Variants in MACROD2 observed in about 807,000 individuals in gnomAD.
MACROD2 encodes ADP-ribose glycohydrolase MACROD2.
In MACROD2, 36 loss-of-function variants were observed where a neutral mutation model predicts 70.4. The ratio of observed to expected loss-of-function variants is 0.51; its 90% CI spans 0.39 to 0.68. The LOEUF (loss-of-function observed/expected upper bound fraction) is 0.68, where lower values mean the gene tolerates loss of function less well. Ranked by LOEUF, MACROD2 falls within the 30% of genes least tolerant of loss-of-function variation. The probability of loss-of-function intolerance (pLI) is 0.00; values close to 1 mark genes in which losing one functional copy is unlikely to be tolerated. For missense variants in MACROD2, 496 were observed against 538.4 expected (o/e 0.92, Z 0.78); for synonymous variants, 172 against 178.8 (o/e 0.96, Z 0.30).
At chr20:15,648,972 A>G (rs894780551) in intron 8 of MACROD2, among the ~76,000 whole-genome samples, 25 of 152,218 alleles carry the variant, frequency 1.6e-4, no homozygotes, top group Admixed American at 1.6e-3. Context: ...TGGATAGTCC[A>G]GAAGTAGAAC....
At chr20:15,080,147 T>TA (rs979758963) in intron 5 of MACROD2, among the ~76,000 whole-genome samples, 75 of 148,420 alleles carry the variant, frequency 5.1e-4, no homozygotes, top group Admixed American at 1.0e-3. Flanking sequence ...AATAAATAAA[T>TA]AAATAAATAA....
chr20:15,416,961 A>C (rs1353673396), intron 6 of MACROD2, among the ~76,000 whole-genome samples: 1 of 152,108 alleles, frequency 6.6e-6, no homozygotes. Context: ...TTATGTAATG[A>C]TTTCAAGTTC....
At chr20:14,114,007 T>G (rs551988707) in intron 3 of MACROD2, among the ~76,000 whole-genome samples, 1 of 152,250 alleles carries the variant, frequency 6.6e-6, no homozygotes, top group African/African-American at 2.4e-5. Flanking sequence ...ATTCTATCTT[T>G]AGGTATAGAA....
chr20:15,208,562 A>C (rs1045154708), intron 5 of MACROD2, among the ~76,000 whole-genome samples: 4 of 152,082 alleles, frequency 2.6e-5, no homozygotes, highest in African/African-American at 7.2e-5. Flanking sequence ...ACTGTATCAC[A>C]CTCACAGGGA....
chr20:14,390,269 A>G (rs1283899165), intron 3 of MACROD2, among the ~76,000 whole-genome samples: 1 of 152,228 alleles, frequency 6.6e-6, no homozygotes, highest in Non-Finnish European at 1.5e-5. Context: ...ATGGGAAAAT[A>G]TTCCATGCTC....
chr20:14,183,907 T>A (rs1433911561), intron 3 of MACROD2, among the ~76,000 whole-genome samples: 1 of 152,180 alleles, frequency 6.6e-6, no homozygotes, highest in East Asian at 1.9e-4. Context: ...TGTAAATTTG[T>A]TTAAGTTCCT....
intron 8 of MACROD2, among the ~76,000 whole-genome samples, chr20:15,678,520 T>A (rs55908777): frequency 1.3e-5 from 2 of 151,786 alleles, no homozygotes; most frequent in Admixed American, 6.6e-5. Context: ...CCACCATGCC[T>A]GGCTAATTTT....
chr20:14,717,935 G>T (rs1404209797), intron 5 of MACROD2, among the ~76,000 whole-genome samples: 1 of 152,014 alleles, frequency 6.6e-6, no homozygotes, highest in African/African-American at 2.4e-5. Flanking sequence ...AGAATCCAAG[G>T]TGGTGCTATT....
At chr20:15,729,602 T>C (rs2050914329) in intron 8 of MACROD2, among the ~76,000 whole-genome samples, 1 of 152,112 alleles carries the variant, frequency 6.6e-6, no homozygotes, top group Admixed American at 6.6e-5. Flanking sequence ...GGATATTAGG[T>C]ATTCTAGTTG....
intron 5 of MACROD2, among the ~76,000 whole-genome samples, chr20:14,755,630 G>A (rs909298237): frequency 3.3e-5 from 5 of 152,022 alleles, no homozygotes; most frequent in Non-Finnish European, 5.9e-5. Context: ...TTAGTAGAAG[G>A]TGTGTCAAAT....
At chr20:14,563,513 C>A (rs1458116408) in intron 4 of MACROD2, among the ~76,000 whole-genome samples, 1 of 151,790 alleles carries the variant, frequency 6.6e-6, no homozygotes, top group Admixed American at 6.6e-5. Flanking sequence ...AGGAGTTTGG[C>A]AGTTACTCTT....
intron 3 of MACROD2, among the ~76,000 whole-genome samples, chr20:14,132,613 C>G (rs1210983468): frequency 6.6e-6 from 1 of 152,046 alleles, no homozygotes; most frequent in Non-Finnish European, 1.5e-5. Flanking sequence ...TTGTATTTTA[C>G]TTTCATAGTT....
intron 5 of MACROD2, among the ~76,000 whole-genome samples, chr20:14,923,055 G>A (rs1413245732): frequency 6.6e-6 from 1 of 152,174 alleles, no homozygotes; most frequent in African/African-American, 2.4e-5. Flanking sequence ...AGAGCAGGGT[G>A]CATCATTCTC....
At chr20:15,375,532 C>G (rs2146268332) in intron 6 of MACROD2, among the ~76,000 whole-genome samples, 1 of 152,060 alleles carries the variant, frequency 6.6e-6, no homozygotes, top group South Asian at 2.1e-4. Flanking sequence ...AGAATCTGAG[C>G]CAAATGGTAA....
At chr20:14,220,745 T>C (rs2081665405) in intron 3 of MACROD2, among the ~76,000 whole-genome samples, 1 of 152,160 alleles carries the variant, frequency 6.6e-6, no homozygotes, top group Non-Finnish European at 1.5e-5. Flanking sequence ...CCAGATTGAC[T>C]CAGCTCCAGG....
At chr20:14,894,040 C>T (rs958456029) in intron 5 of MACROD2, 2 of 152,100 alleles carry the variant, frequency 1.3e-5, no homozygotes, top group African/African-American at 2.4e-5. Flanking sequence ...CTTGCCTTGA[C>T]TTCCTAAAGT....
rs181965107 is a variant in MACROD2 at position 15,855,302 on chromosome 20, T to C, written c.646-7443T>C. On this transcript the variant is annotated intron_variant, in intron 8 of 17. Coordinates refer to ENST00000684519, the MANE Select transcript of MACROD2 (RefSeq NM_001351661.2). ...AACATATGTCATCACATTTATGGGG[T>C]AGGAAACCCCCAACTGTGGATTAAT... Among the ~76,000 whole-genome samples the C allele has an allele frequency of 3.3e-5, 5 of 152,262 alleles. No individual in the cohort carries two copies. In the East Asian group the frequency reaches 9.6e-4, roughly 29 times the overall value.
intron 3 of MACROD2, among the ~76,000 whole-genome samples, chr20:14,257,616 C>T (rs1367634699): frequency 1.3e-5 from 2 of 152,024 alleles, no homozygotes; most frequent in East Asian, 1.9e-4. Context: ...GGCCTCATAA[C>T]CCAATTAAGA....
intron 8 of MACROD2, among the ~76,000 whole-genome samples, chr20:15,534,253 A>G (rs1233735): frequency 0.055 from 8,426 of 152,286 alleles, 756 homozygotes; most frequent in African/African-American, 0.19. Context: ...CCTTCTGAAC[A>G]TAGTAATTCA....
Sources: gnomAD v4.1 joint callset for allele counts (sites outside exome capture counted in the v4.1 genomes callset) on GRCh38, gnomAD v4.1.1 for gene constraint, MANE v1.5 for transcripts, NCBI Gene and HGNC (gene_info 2026-07-23, HGNC 2026-07-21) for gene names.